The following RABGAP1L variants were observed in gnomAD, a reference collection of about 807,000 sequenced individuals.
RABGAP1L encodes the protein RAB GTPase activating protein 1 like.
RABGAP1L carries 63 observed loss-of-function variants against 137.7 expected under a neutral mutation model. The observed-to-expected ratio is 0.46, with a 90% confidence interval of 0.37 to 0.56. RABGAP1L has a LOEUF of 0.56. Ranked by LOEUF, RABGAP1L falls within the 20% of genes least tolerant of loss-of-function variation. The pLI, the probability that RABGAP1L is intolerant of heterozygous loss-of-function variation, is 0.00. For missense variants in RABGAP1L, 1,095 were observed against 1,244.0 expected, an observed-to-expected ratio of 0.88 and a Z score of 1.80; for synonymous variants, 431 against 433.7, an observed-to-expected ratio of 0.99 and a Z score of 0.08.
chr1:174,527,901 C>CTT (rs57707616), intron 13 of RABGAP1L, among the ~76,000 whole-genome samples: 42,853 of 124,492 alleles, frequency 0.34, 7,520 homozygotes, highest in South Asian at 0.36. Context: ...ATATACTTGT[C>CTT]TTTTTTTTTT....
At chr1:174,934,407 T>C (rs1158767508) in intron 19 of RABGAP1L, among the ~76,000 whole-genome samples, 1 of 152,142 alleles carries the variant, frequency 6.6e-6, no homozygotes, top group Non-Finnish European at 1.5e-5. Context: ...CAGTTTTTAC[T>C]TATTTTAAGC....
intron 11 of RABGAP1L, among the ~76,000 whole-genome samples, chr1:174,327,365 T>C (rs1324578631): frequency 6.6e-6 from 1 of 152,068 alleles, no homozygotes; most frequent in East Asian, 1.9e-4. Context: ...TAAATTATGA[T>C]ATCAAAATAT....
In RABGAP1L at chr1:174,982,808, G is replaced by A. The variant is rs1356052620; in HGVS notation, c.2734-26G>A. On this transcript the variant is annotated intron_variant, in intron 23 of 25. Coordinates refer to ENST00000681986, the MANE Select transcript of RABGAP1L (RefSeq NM_001366446.1). ...GCTGCAAGAGTTGTTCTGTTTTCTAGTAAAAGACTCTTTTCTCATCCTTAG... is the reference window on the plus strand; with the variant it reads ...GCTGCAAGAGTTGTTCTGTTTTCTAATAAAAGACTCTTTTCTCATCCTTAG... 6.5e-6 allele frequency: 10 copies of A among 1,548,616 alleles called. No individual in the cohort carries two copies. The Admixed American group carries it at 9.8e-5, about 15-fold the overall frequency.
chr1:174,277,486 A>G (rs904830332), intron 9 of RABGAP1L, among the ~76,000 whole-genome samples: 7 of 151,542 alleles, frequency 4.6e-5, no homozygotes, highest in Non-Finnish European at 8.8e-5. Flanking sequence ...TTTGGTCCAC[A>G]AAAGAAAATT....
intron 19 of RABGAP1L, among the ~76,000 whole-genome samples, chr1:174,915,035 G>A (rs540486606): frequency 6.6e-6 from 1 of 152,210 alleles, no homozygotes; most frequent in African/African-American, 2.4e-5. Context: ...GTTGCATAGT[G>A]CATTGTATGG....
Position 174,637,399 on chromosome 1 carries a change from A to G in RABGAP1L, c.1735A>G (p.Thr579Ala). The change falls in exon 14 of 26, where the codon ACT becomes GCT. Residue 579 changes from threonine to alanine, a missense_variant. By Grantham distance (58) the Thr-to-Ala change is moderately conservative (BLOSUM62 0). Coordinates refer to ENST00000681986, the MANE Select transcript of RABGAP1L (RefSeq NM_001366446.1). ...TKDSAQESVI[T>A]RDIHRTFPAH... ...GGACTCAGCCCAGGAGAGTGTTATTACTCGAGATATTCATCGTACATTTCC... is the reference window on the plus strand; with the variant it reads ...GGACTCAGCCCAGGAGAGTGTTATTGCTCGAGATATTCATCGTACATTTCC... 1 of 1,612,138 alleles carries G rather than the reference A, an allele frequency of 6.2e-7. No individual in the cohort carries two copies. Among genetic ancestry groups the G allele is most frequent in the Non-Finnish European group, 8.5e-7 (1 of 1,178,230 alleles).
At chr1:174,825,764 C>A (rs1309963871) in intron 19 of RABGAP1L, among the ~76,000 whole-genome samples, 1 of 152,144 alleles carries the variant, frequency 6.6e-6, no homozygotes, top group African/African-American at 2.4e-5. Context: ...TGCCTGTAAT[C>A]CCAGCTGTAA....
chr1:174,221,367 C>G (rs1248665601), intron 3 of RABGAP1L, among the ~76,000 whole-genome samples: 2 of 152,160 alleles, frequency 1.3e-5, no homozygotes, highest in East Asian at 1.9e-4. Context: ...AAGACTATGT[C>G]TGGGTCCTCA....
chr1:174,724,904 C>G (rs958388549), intron 17 of RABGAP1L, among the ~76,000 whole-genome samples: 1 of 152,084 alleles, frequency 6.6e-6, no homozygotes, highest in Non-Finnish European at 1.5e-5. Context: ...GGAGAAATCA[C>G]GGTGATGAGT....
chr1:174,940,271 T>TG (rs1173537490), intron 19 of RABGAP1L, among the ~76,000 whole-genome samples: 2 of 151,778 alleles, frequency 1.3e-5, no homozygotes, highest in Non-Finnish European at 2.9e-5. Flanking sequence ...TGTTTCTTTT[T>TG]TTTTTTTTTC....
At chr1:174,312,085 T>C (rs1163857876) in intron 11 of RABGAP1L, among the ~76,000 whole-genome samples, 1 of 152,240 alleles carries the variant, frequency 6.6e-6, no homozygotes, top group African/African-American at 2.4e-5. Context: ...CTACACTGAT[T>C]TCCTTTCTTG....
At chr1:174,893,825 T>C (rs929416654) in intron 19 of RABGAP1L, among the ~76,000 whole-genome samples, 1 of 152,218 alleles carries the variant, frequency 6.6e-6, no homozygotes, top group African/African-American at 2.4e-5. Context: ...CTTCCACTTG[T>C]AGGGCCTGTT....
intron 4 of RABGAP1L, among the ~76,000 whole-genome samples, chr1:174,232,994 G>A (rs1558054039): frequency 6.6e-6 from 1 of 152,032 alleles, no homozygotes; most frequent in East Asian, 1.9e-4. Context: ...ATTTTTCACA[G>A]TTCTCGTGGT....
At chr1:174,447,895 C>A (rs1654957986) in intron 13 of RABGAP1L, among the ~76,000 whole-genome samples, 2 of 122,954 alleles carry the variant, frequency 1.6e-5, no homozygotes, top group Non-Finnish European at 3.4e-5. Context: ...TTACCGCCCC[C>A]CCCCCACCCC....
chr1:174,867,308 G>C (rs1454166182), intron 19 of RABGAP1L, among the ~76,000 whole-genome samples: 1 of 151,826 alleles, frequency 6.6e-6, no homozygotes, highest in Non-Finnish European at 1.5e-5. Flanking sequence ...TTGAACCCGG[G>C]AGGTGGAGGT....
intron 14 of RABGAP1L, among the ~76,000 whole-genome samples, chr1:174,641,676 A>G (rs2148355711): frequency 6.6e-6 from 1 of 152,270 alleles, no homozygotes; most frequent in African/African-American, 2.4e-5. Context: ...ACAGGTTGGT[A>G]TAGTTTAAAG....
intron 1 of RABGAP1L, among the ~76,000 whole-genome samples, chr1:174,166,810 G>C (rs1227380853): frequency 1.3e-5 from 2 of 152,124 alleles, no homozygotes; most frequent in African/African-American, 4.8e-5. Flanking sequence ...GTGTTGCCCA[G>C]GTAACAACAC....
At chr1:174,742,496 G>A (rs1028514159) in intron 17 of RABGAP1L, among the ~76,000 whole-genome samples, 5 of 152,150 alleles carry the variant, frequency 3.3e-5, no homozygotes, top group South Asian at 2.1e-4. Flanking sequence ...CAGCCTAAGC[G>A]ACAGAGCAAG....
chr1:174,162,793 T>A, intron 1 of RABGAP1L, among the ~76,000 whole-genome samples: 1 of 141,772 alleles, frequency 7.1e-6, no homozygotes, highest in African/African-American at 2.6e-5. Context: ...TTTTTTTTTT[T>A]TTTTTTTTTT....
Sources: allele counts gnomAD v4.1 joint callset (sites outside exome capture counted in the v4.1 genomes callset), GRCh38; gene constraint gnomAD v4.1.1; transcripts MANE v1.5; gene names NCBI Gene and HGNC (gene_info 2026-07-23, HGNC 2026-07-21).